Variants in ZRANB3 observed in about 807,000 individuals in gnomAD.
ZRANB3 encodes the protein zinc finger RANBP2-type containing 3, also known as DNA annealing helicase and endonuclease ZRANB3.
ZRANB3 carries 125 observed loss-of-function variants against 133.8 expected under a neutral mutation model. The observed-to-expected ratio is 0.93, with a 90% CI of 0.81 to 1.08. The LOEUF is 1.08. ZRANB3 is among the 50% of genes least tolerant of loss of function. The pLI is 0.00. For missense variants in ZRANB3, 1,229 were observed against 1,275.5 expected (o/e 0.96, Z 0.56); for synonymous variants, 387 against 432.7 (o/e 0.89, Z 1.31).
chr2:135,235,045 G>C (rs1322729833), intron 12 of ZRANB3, among the ~76,000 whole-genome samples: 1 of 152,050 alleles, frequency 6.6e-6, no homozygotes. Context: ...CCGCTAGCAG[G>C]ACTAATAAAG....
intron 2 of ZRANB3, among the ~76,000 whole-genome samples, chr2:135,485,130 GAAACAAAACAAAACAAACA>G (rs1267575861): frequency 6.6e-6 from 1 of 151,080 alleles, no homozygotes; most frequent in Admixed American, 6.7e-5. Context: ...ACATCTCAGA[GAAACAAAACAAAACAAACA>G]AAACAAAACA....
chr2:135,279,063 A>T (rs550662988), intron 8 of ZRANB3, among the ~76,000 whole-genome samples: 10 of 151,856 alleles, frequency 6.6e-5, no homozygotes, highest in Admixed American at 5.2e-4. Context: ...TATGGTGTTG[A>T]GGGATTTGAA....
chr2:135,461,146 C>G (rs1298137445), intron 2 of ZRANB3, among the ~76,000 whole-genome samples: 1 of 152,106 alleles, frequency 6.6e-6, no homozygotes, highest in African/African-American at 2.4e-5. Context: ...GGTGTGAAAA[C>G]TTTATATAAT....
chr2:135,355,577 A>G lies in ZRANB3; in HGVS notation c.181-1949T>C, dbSNP rs570114311. Reference sequence around the variant, plus strand: ...TCTCCATGTTGGTCAGGCTGGTCTCAAACTCCCGACCTCAGGTGATCCACC... The same window carrying G: ...TCTCCATGTTGGTCAGGCTGGTCTCGAACTCCCGACCTCAGGTGATCCACC... On this transcript the variant is annotated intron_variant, in intron 3 of 20. Transcript: ENST00000264159. Among the ~76,000 whole-genome samples the G allele has an allele frequency of 6.6e-5, 10 of 152,068 alleles. No individual in the cohort carries two copies. In the East Asian group the frequency reaches 1.9e-3, roughly 29 times the overall value.
At chr2:135,252,350 T>A (rs1435048544) in intron 12 of ZRANB3, among the ~76,000 whole-genome samples, 1 of 151,742 alleles carries the variant, frequency 6.6e-6, no homozygotes, top group African/African-American at 2.4e-5. Flanking sequence ...AAATAAAAGT[T>A]AAAAAATATA....
In ZRANB3 at chr2:135,319,529, T is replaced by A. The variant is rs111980818; in HGVS notation, c.678-3999A>T. ...TGTGTACATATATTTCTAATTATAA[T>A]CAAATTTGAAAAAAATCTCTATCAA... On this transcript the variant is annotated intron_variant, in intron 6 of 20. Coordinates refer to ENST00000264159, the MANE Select transcript of ZRANB3 (RefSeq NM_032143.4). 3.0e-3 allele frequency among the ~76,000 whole-genome samples: 453 copies of A among 150,396 alleles called. 3 individuals are homozygous for A. Among genetic ancestry groups the A allele is most frequent in the African/African-American group, 0.01 (422 of 41,232 alleles).
At chr2:135,274,935 G>A (rs1164801128) in intron 9 of ZRANB3, among the ~76,000 whole-genome samples, 1 of 152,204 alleles carries the variant, frequency 6.6e-6, no homozygotes, top group African/African-American at 2.4e-5. Flanking sequence ...AGAGCACGGG[G>A]TTGGGGGTAA....
chr2:135,244,541 G>A (rs976279819), intron 12 of ZRANB3, among the ~76,000 whole-genome samples: 4 of 152,104 alleles, frequency 2.6e-5, no homozygotes, highest in African/African-American at 9.7e-5. Context: ...CCAGGAAGTG[G>A]AGGTTGCAGT....
chr2:135,271,763 C>G lies in ZRANB3; in HGVS notation c.1206+5G>C. 1 of 1,603,432 alleles carries G rather than the reference C, an allele frequency of 6.2e-7. No individual in the cohort carries two copies. The highest frequency in any genetic ancestry group is 8.5e-7 in the Non-Finnish European group (1 of 1,176,880). On this transcript the variant is annotated splice_donor_5th_base_variant and intron_variant, in intron 10 of 20. Coordinates refer to ENST00000264159, the MANE Select transcript of ZRANB3 (RefSeq NM_032143.4). ...ATAACCAAATTTAGACTTGAAATTT[C>G]TTACCTGGCCAGCAGCCTGAATGCT...
intron 2 of ZRANB3, among the ~76,000 whole-genome samples, chr2:135,499,051 G>A (rs1373762469): frequency 6.6e-6 from 1 of 151,958 alleles, no homozygotes; most frequent in East Asian, 1.9e-4. Flanking sequence ...CACCCTATTT[G>A]TACACTCCCT....
chr2:135,258,554 C>T (rs1274589432), intron 12 of ZRANB3, among the ~76,000 whole-genome samples: 1 of 152,136 alleles, frequency 6.6e-6, no homozygotes, highest in East Asian at 1.9e-4. Context: ...ACAATGTATC[C>T]GCATGCCTAA....
At chr2:135,300,700 C>T (rs1045862049) in intron 8 of ZRANB3, among the ~76,000 whole-genome samples, 2 of 152,288 alleles carry the variant, frequency 1.3e-5, no homozygotes, top group East Asian at 1.9e-4. Context: ...CTGCCTTAAT[C>T]TATCATGAAT....
chr2:135,220,238 C>T (rs1173824221), intron 15 of ZRANB3, among the ~76,000 whole-genome samples: 2 of 151,620 alleles, frequency 1.3e-5, no homozygotes, highest in Non-Finnish European at 2.9e-5. Flanking sequence ...TAACCACATA[C>T]AGCGGTGTAG....
In ZRANB3 at chr2:135,291,830, G is replaced by A. The variant is rs368230439; in HGVS notation, c.967-16075C>T. ...CTCATTCTTCAATTCCCACCTATGAGTGAGAACATGCGGTGTTTGGTTTTT... is the reference window on the plus strand; with the variant it reads ...CTCATTCTTCAATTCCCACCTATGAATGAGAACATGCGGTGTTTGGTTTTT... On this transcript the variant is annotated intron_variant, in intron 8 of 20. Coordinates refer to ENST00000264159, the MANE Select transcript of ZRANB3 (RefSeq NM_032143.4). 2.0e-5 allele frequency among the ~76,000 whole-genome samples: 3 copies of A among 151,542 alleles called. No individual in the cohort carries two copies. In the Middle Eastern group the frequency reaches 0.01, roughly 515 times the overall value.
At chr2:135,496,901 C>T (rs967299051) in intron 2 of ZRANB3, among the ~76,000 whole-genome samples, 2 of 152,190 alleles carry the variant, frequency 1.3e-5, no homozygotes, top group African/African-American at 4.8e-5. Context: ...GCACAGTTCT[C>T]CCTTGCTTAT....
At chr2:135,384,113 G>A (rs1686850716) in intron 3 of ZRANB3, among the ~76,000 whole-genome samples, 1 of 151,904 alleles carries the variant, frequency 6.6e-6, no homozygotes, top group Non-Finnish European at 1.5e-5. Flanking sequence ...TAATAAAGAA[G>A]AAAAGAGAGA....
chr2:135,448,578 CAT>C (rs1282267130), intron 2 of ZRANB3, among the ~76,000 whole-genome samples: 1 of 152,128 alleles, frequency 6.6e-6, no homozygotes, highest in Admixed American at 6.5e-5. Context: ...TCCATAAACA[CAT>C]ATGAGTGGGC....
intron 1 of ZRANB3, among the ~76,000 whole-genome samples, chr2:135,516,370 T>C (rs886784860): frequency 1.4e-4 from 22 of 152,232 alleles, no homozygotes; most frequent in African/African-American, 5.1e-4. Flanking sequence ...GTTGATGGTC[T>C]TTACAACTTG....
intron 9 of ZRANB3, among the ~76,000 whole-genome samples, chr2:135,273,634 G>A (rs113490712): frequency 7.7e-4 from 117 of 152,130 alleles, no homozygotes; most frequent in African/African-American, 2.6e-3. Context: ...CTCCTCCTAG[G>A]TTCAAGCGAT....
Sources: gnomAD v4.1 joint callset for allele counts (sites outside exome capture counted in the v4.1 genomes callset) on GRCh38, gnomAD v4.1.1 for gene constraint, MANE v1.5 for transcripts, NCBI Gene and HGNC (gene_info 2026-07-23, HGNC 2026-07-21) for gene names.